The following INSL6 variants were observed in gnomAD, a reference collection of about 807,000 sequenced individuals.
INSL6 encodes insulin-like peptide INSL6.
INSL6 carries 16 observed loss-of-function variants against 9.4 expected under a neutral mutation model. The observed-to-expected ratio is 1.70, with a 90% confidence interval of 1.15 to 2.59. The LOEUF is 2.59. INSL6 is among the 30% of genes most tolerant of loss of function. The pLI, the probability that INSL6 is intolerant of heterozygous loss-of-function variation, is 0.00. For synonymous variants in INSL6, 154 were observed against 96.9 expected (o/e 1.59, Z -3.46); for missense variants, 391 against 257.3 (o/e 1.52, Z -3.56).
At chr9:5,171,899 G>A (rs1400178157) in intron 1 of INSL6, among the ~76,000 whole-genome samples, 1 of 152,140 alleles carries the variant, frequency 6.6e-6, no homozygotes, top group Non-Finnish European at 1.5e-5. Context: ...CGTGAAAATG[G>A]CCATCCTGCC....
the INSL6 span, among the ~76,000 whole-genome samples, chr9:5,066,116 A>T: frequency 3.9e-5 from 6 of 152,140 alleles, no homozygotes; most frequent in Admixed American, 2.0e-4. Context: ...AGTGAAACAG[A>T]ATGATTCTTT....
the INSL6 span, among the ~76,000 whole-genome samples, chr9:5,025,016 G>GCTGCAAAT: frequency 6.6e-6 from 1 of 152,130 alleles, no homozygotes; most frequent in Non-Finnish European, 1.5e-5. Context: ...AAGTAAAAAT[G>GCTGCAAAT]CTGCACAACT....
At position 5,127,050 on chromosome 9, in the gene INSL6, C is replaced by T. The variant is rs73639265; in HGVS notation, c.*11-2539G>A. The T allele has an allele frequency of 1.7e-3, 479 of 276,898 alleles. 4 individuals carry two copies. Among genetic ancestry groups the T allele is most frequent in the African/African-American group, 8.9e-3 (413 of 46,148 alleles). 17.2% of individuals were successfully genotyped at this position (276,898 alleles called of 1,614,324 possible). A position where few individuals can be genotyped will look rare whatever the true frequency, so the allele number is the denominator to read the frequency against. On this transcript the variant is annotated intron_variant, in intron 3 of 3. Transcript: ENST00000649639. The stretch of plus-strand genomic sequence containing the variant: ...TTAAACATTGTCAGTTAACATCACT[C>T]TTGTCTGGCAAAAGAAAAAAAATAG...
chr9:5,050,608 T>A, the INSL6 span: 3 of 1,403,930 alleles, frequency 2.1e-6, no homozygotes, highest in Non-Finnish European at 3.0e-6. Context: ...CTGAAAATTA[T>A]GATTAAAATA....
At chr9:5,169,681 C>G (rs1206556774) in intron 1 of INSL6, among the ~76,000 whole-genome samples, 1 of 152,112 alleles carries the variant, frequency 6.6e-6, no homozygotes, top group Non-Finnish European at 1.5e-5. Context: ...GGAAAATTTA[C>G]CAAGCAAATG....
At chr9:5,073,804 T>C in the INSL6 span, 3 of 1,443,476 alleles carry the variant, frequency 2.1e-6, no homozygotes, top group Non-Finnish European at 2.9e-6. Flanking sequence ...AACTACAGGC[T>C]TTCTAATGCC....
chr9:5,080,993 T>C, the INSL6 span, among the ~76,000 whole-genome samples: 10 of 150,306 alleles, frequency 6.7e-5, no homozygotes, highest in African/African-American at 2.5e-4. Flanking sequence ...CCTCCAAGGT[T>C]CACGCCATTC....
chr9:5,128,080 T>TTGTGTGTGTGTGTGTGTGTGTG (rs139964957), intron 3 of INSL6: 5 of 215,658 alleles, frequency 2.3e-5, no homozygotes, highest in African/African-American at 1.2e-4. Flanking sequence ...ATGGTGGGTT[T>TTGTGTGTGTGTGTGTGTGTGTG]TGTGTGTGTG....
At chr9:5,043,989 TAG>T in the INSL6 span, among the ~76,000 whole-genome samples, 1 of 152,238 alleles carries the variant, frequency 6.6e-6, no homozygotes, top group African/African-American at 2.4e-5. Flanking sequence ...AAAGACAATA[TAG>T]AGTGTTCTTT....
intron 1 of INSL6, among the ~76,000 whole-genome samples, chr9:5,182,158 A>G (rs1825470358): frequency 6.6e-6 from 1 of 152,146 alleles, no homozygotes; most frequent in African/African-American, 2.4e-5. Context: ...GTTCAAGGCT[A>G]CATAGGTTAG....
chr9:5,105,356 G>A, the INSL6 span, among the ~76,000 whole-genome samples: 1 of 152,146 alleles, frequency 6.6e-6, no homozygotes. Flanking sequence ...CAAGAGATGC[G>A]AAGGACCTCT....
the INSL6 span, chr9:5,112,567 C>G: frequency 2.8e-5 from 18 of 642,566 alleles, no homozygotes; most frequent in African/African-American, 2.5e-4. Context: ...CGCCAGGGAG[C>G]GGCTGCGGGT....
chr9:5,093,257 A>G, the INSL6 span, among the ~76,000 whole-genome samples: 12 of 152,262 alleles, frequency 7.9e-5, no homozygotes, highest in Non-Finnish European at 1.5e-4. Flanking sequence ...AAGTAAAAGG[A>G]ACTCGGCAAA....
the INSL6 span, chr9:5,114,003 G>A: frequency 1.4e-5 from 4 of 275,992 alleles, no homozygotes; most frequent in African/African-American, 2.2e-5. Context: ...TGGGCAGGTC[G>A]TGGATGTGAA....
chr9:5,033,176 TGAGAA>T, the INSL6 span, among the ~76,000 whole-genome samples: 8 of 151,854 alleles, frequency 5.3e-5, no homozygotes, highest in Non-Finnish European at 1.0e-4. Flanking sequence ...TGAAATGAAG[TGAGAA>T]GAGAAGTTTA....
chr9:4,995,084 CAT>C, the INSL6 span, among the ~76,000 whole-genome samples: 1 of 152,152 alleles, frequency 6.6e-6, no homozygotes, highest in Non-Finnish European at 1.5e-5. Flanking sequence ...CCTTTACTAA[CAT>C]TGTGTTTTCA....
At chr9:5,084,505 A>G in the INSL6 span, among the ~76,000 whole-genome samples, 30 of 152,240 alleles carry the variant, frequency 2.0e-4, no homozygotes, top group Middle Eastern at 0.01. Flanking sequence ...AATTATTTTC[A>G]TATGTTTTAA....
At chr9:5,169,934 C>T (rs1825140824) in intron 1 of INSL6, among the ~76,000 whole-genome samples, 1 of 152,166 alleles carries the variant, frequency 6.6e-6, no homozygotes, top group Non-Finnish European at 1.5e-5. Flanking sequence ...TTTAACACTC[C>T]ACTGTCAACA....
the INSL6 span, chr9:5,086,170 C>T: frequency 3.8e-5 from 15 of 399,874 alleles, no homozygotes; most frequent in Admixed American, 7.3e-4. Context: ...GTCTCCACGC[C>T]GCCGGTCTCC....
Sources: gnomAD v4.1 joint callset for allele counts (sites outside exome capture counted in the v4.1 genomes callset) on GRCh38, gnomAD v4.1.1 for gene constraint, MANE v1.5 for transcripts, NCBI Gene and HGNC (gene_info 2026-07-23, HGNC 2026-07-21) for gene names.